GREM1: variants seen among roughly 807,000 people sequenced by gnomAD.
GREM1 encodes the protein gremlin 1, DAN family BMP antagonist.
GREM1 carries 6 observed loss-of-function variants against 13.1 expected under a neutral mutation model. The observed-to-expected ratio is 0.46, with a 90% confidence interval of 0.25 to 0.91. The LOEUF (loss-of-function observed/expected upper bound fraction) is 0.91. GREM1 is among the 40% of genes least tolerant of loss of function. GREM1 has a pLI of 0.18. For missense variants in GREM1, 185 were observed against 233.9 expected (o/e 0.79, Z 1.36); for synonymous variants, 98 against 93.7 (o/e 1.05, Z -0.27).
intron 1 of GREM1, among the ~76,000 whole-genome samples, chr15:32,730,233 C>T (rs920223822): frequency 2.0e-5 from 3 of 152,226 alleles, no homozygotes; most frequent in African/African-American, 7.2e-5. Context: ...CATAAGCATT[C>T]ACAGCTCAGG....
intron 1 of GREM1, among the ~76,000 whole-genome samples, chr15:32,719,531 G>A (rs910756032): frequency 5.1e-5 from 7 of 138,356 alleles, no homozygotes; most frequent in African/African-American, 2.0e-4. Context: ...CAGCGTTAGG[G>A]GTTAAAATCC....
rs546238942 is a variant in GREM1 at position 32,741,739 on chromosome 15, G to A, written c.*10494G>A. The A allele has an allele frequency of 1.3e-5, 2 of 152,258 alleles. No individual in the cohort carries two copies. The highest frequency in any genetic ancestry group is 3.9e-4 in the East Asian group (2 of 5,188). 9.4% of individuals were successfully genotyped at this position (152,258 alleles called of 1,614,324 possible). A position where few individuals can be genotyped will look rare whatever the true frequency, so the allele number is the denominator to read the frequency against. ...AGAAGTGATGAGAGTGGGCATGTAT[G>A]CCTTGTTTCTGGTCTTAAAGAAAAA... On this transcript the variant is annotated 3_prime_UTR_variant, in exon 2 of 2. Transcript: ENST00000651154.
chr15:32,738,125 A>AAAAAAAAAAAAAAAAAAAAAAAC lies in GREM1; in HGVS notation c.*6888_*6889insAAAAAAAAAAAAAACAAAAAAAA. The AAAAAAAAAAAAAAAAAAAAAAAC allele has an allele frequency of 2.1e-4, 6 of 27,966 alleles. 2 individuals carry two copies. Among genetic ancestry groups the AAAAAAAAAAAAAAAAAAAAAAAC allele is most frequent in the South Asian group, 2.5e-3 (1 of 396 alleles). 1.7% of individuals were successfully genotyped at this position (27,966 alleles called of 1,614,324 possible). A position where few individuals can be genotyped will look rare whatever the true frequency, so the allele number is the denominator to read the frequency against. On this transcript the variant is annotated 3_prime_UTR_variant, in exon 2 of 2. Coordinates refer to ENST00000651154, the MANE Select transcript of GREM1 (RefSeq NM_013372.7). ...AAAAAAAAAAAAAAAAAAAAAAAAA[A>AAAAAAAAAAAAAAAAAAAAAAAC]AAAAAAAAGAAAAGAAAAAAGTCAT...
chr15:32,721,973 C>T (rs751880128), intron 1 of GREM1, among the ~76,000 whole-genome samples: 1 of 152,190 alleles, frequency 6.6e-6, no homozygotes, highest in Non-Finnish European at 1.5e-5. Flanking sequence ...ACCAGGTGGT[C>T]TCCTCCCTGT....
At chr15:32,718,222 A>G (rs2055328328) in intron 1 of GREM1, 61 bp downstream of exon 1, 1 of 1,229,192 alleles carries the variant, frequency 8.1e-7, no homozygotes. Context: ...CCGCAAACCA[A>G]CCCAGGACCC....
At chr15:32,719,898 G>A (rs1161062322) in intron 1 of GREM1, among the ~76,000 whole-genome samples, 2 of 152,086 alleles carry the variant, frequency 1.3e-5, no homozygotes, top group Non-Finnish European at 2.9e-5. Context: ...TCTTGAGGGG[G>A]GGATGTACTT....
Position 32,740,403 on chromosome 15 carries a change from T to C in GREM1, c.*9158T>C, listed in dbSNP as rs915665729. The C allele has an allele frequency of 1.3e-5, 2 of 152,046 alleles. No individual in the cohort carries two copies. The highest frequency in any genetic ancestry group is 2.4e-5 in the African/African-American group (1 of 41,394). The allele number at this position is 152,046 out of a possible 1,614,324, so 9.4% of individuals were successfully genotyped here. A position where few individuals can be genotyped will look rare whatever the true frequency, so the allele number is the denominator to read the frequency against. ...AATTTTGACAAAGAGATAGAGTATATTTAAAAGTACCAAAAAGAAATGGAA... is the reference window on the plus strand; with the variant it reads ...AATTTTGACAAAGAGATAGAGTATACTTAAAAGTACCAAAAAGAAATGGAA... On this transcript the variant is annotated 3_prime_UTR_variant, in exon 2 of 2. Transcript: ENST00000651154.
chr15:32,725,585 T>C (rs1047379189), intron 1 of GREM1, among the ~76,000 whole-genome samples: 2 of 152,202 alleles, frequency 1.3e-5, no homozygotes, highest in African/African-American at 4.8e-5. Context: ...ATTCTGTAGG[T>C]TGCCTGTTCA....
intron 1 of GREM1, among the ~76,000 whole-genome samples, chr15:32,726,924 C>T (rs150396020): frequency 0.012 from 1,855 of 152,224 alleles, 14 homozygotes; most frequent in Non-Finnish European, 0.018. Context: ...TGGATACATT[C>T]CTGAACGCAT....
chr15:32,731,357 G>C lies in GREM1; in HGVS notation c.*112G>C, dbSNP rs1038505414. On this transcript the variant is annotated 3_prime_UTR_variant, in exon 2 of 2. Transcript: ENST00000651154. ...AACCTAGAGGCCAGAAGAACCCCCA[G>C]CTGCCTCCTGGCAGGAGCCTGCTTG... The C allele has an allele frequency of 4.4e-5, 35 of 802,032 alleles. No homozygotes were observed. Among genetic ancestry groups the C allele is most frequent in the Middle Eastern group, 2.9e-4 (1 of 3,418 alleles). The allele number at this position is 802,032 out of a possible 1,614,324, so 49.7% of individuals were successfully genotyped here.
intron 1 of GREM1, 86 bp downstream of exon 1, chr15:32,718,247 G>A (rs2055329518): frequency 9.4e-7 from 1 of 1,067,568 alleles, no homozygotes; most frequent in Admixed American, 2.2e-5. Context: ...AGTTCCACGC[G>A]CGGCAGCCCT....
At chr15:32,720,055 G>A (rs900277825) in intron 1 of GREM1, among the ~76,000 whole-genome samples, 2 of 152,086 alleles carry the variant, frequency 1.3e-5, no homozygotes, top group African/African-American at 4.8e-5. Flanking sequence ...GGGATTTTTA[G>A]CAGGGTAGTG....
At position 32,718,124 on chromosome 15, in the gene GREM1, T is replaced by G; in HGVS notation, c.-39T>G. 1 of 1,278,308 alleles carries G rather than the reference T, an allele frequency of 7.8e-7. No individual in the cohort carries two copies. Among genetic ancestry groups the G allele is most frequent in the Non-Finnish European group, 1.0e-6 (1 of 989,894 alleles). The allele number at this position is 1,278,308 out of a possible 1,614,324, so 79.2% of individuals were successfully genotyped here. A position where few individuals can be genotyped will look rare whatever the true frequency, so the allele number is the denominator to read the frequency against. ...CCGCGGCCGCACTCAGCGCCACGCG[T>G]CGAAAGCGCAGGCCCCGAGGACCCG... On this transcript the variant is annotated 5_prime_UTR_variant, in exon 1 of 2. Transcript: ENST00000651154.
At position 32,732,892 on chromosome 15, in the gene GREM1, C is replaced by T; in HGVS notation, c.*1647C>T. ...ATACTCTTTTTGCCTTGTATCTTCT[C>T]AGCCTCCTAGCCAAGTCCTATGTAA... On this transcript the variant is annotated 3_prime_UTR_variant, in exon 2 of 2. Transcript: ENST00000651154. 1 of 220,674 alleles carries T rather than the reference C, an allele frequency of 4.5e-6. No individual in the cohort carries two copies. Among genetic ancestry groups the T allele is most frequent in the East Asian group, 7.5e-5 (1 of 13,382 alleles). 13.7% of individuals were successfully genotyped at this position (220,674 alleles called of 1,614,324 possible).
Position 32,738,083 on chromosome 15 carries a change from C to CAAAAAAAAA in GREM1, c.*6880_*6888dup, listed in dbSNP as rs67118209. The CAAAAAAAAA allele has an allele frequency of 5.3e-5, 1 of 18,910 alleles. No homozygotes were observed. The highest frequency in any genetic ancestry group is 8.6e-5 in the Non-Finnish European group (1 of 11,650). 1.2% of individuals were successfully genotyped at this position (18,910 alleles called of 1,614,324 possible). On this transcript the variant is annotated 3_prime_UTR_variant, in exon 2 of 2. Coordinates refer to ENST00000651154, the MANE Select transcript of GREM1 (RefSeq NM_013372.7). ...GGAGGTTCTACCTAGGGTAATTAGGCAAAAAAAAAAAAAAAAAAAAAAAAA... is the reference window on the plus strand; with the variant it reads ...GGAGGTTCTACCTAGGGTAATTAGGCAAAAAAAAAAAAAAAAAAAAAAAAAAAAAAAAAA...
At chr15:32,719,481 C>A (rs989968666) in intron 1 of GREM1, among the ~76,000 whole-genome samples, 1 of 152,162 alleles carries the variant, frequency 6.6e-6, no homozygotes, top group Non-Finnish European at 1.5e-5. Context: ...CCTCCTCGAC[C>A]GACTCCGAAT....
At position 32,734,253 on chromosome 15, in the gene GREM1, T is replaced by G. The variant is rs1403522740; in HGVS notation, c.*3008T>G. On this transcript the variant is annotated 3_prime_UTR_variant, in exon 2 of 2. Transcript: ENST00000651154. ...GCAATATTAAGAAAGACTTTAAATG[T>G]TATTTTGGAAGACTTACGATGCATG... is the stretch of plus-strand genomic sequence containing the variant. The G allele has an allele frequency of 8.2e-6, 2 of 243,168 alleles. No homozygotes were observed. Among genetic ancestry groups the G allele is most frequent in the Non-Finnish European group, 1.7e-5 (2 of 115,228 alleles). The allele number at this position is 243,168 out of a possible 1,614,324, so 15.1% of individuals were successfully genotyped here. A position where few individuals can be genotyped will look rare whatever the true frequency, so the allele number is the denominator to read the frequency against.
Position 32,733,451 on chromosome 15 carries a change from T to C in GREM1, c.*2206T>C. The C allele has an allele frequency of 4.3e-6, 1 of 230,992 alleles. No homozygotes were observed. The highest frequency in any genetic ancestry group is 9.3e-6 in the Non-Finnish European group (1 of 107,158). 14.3% of individuals were successfully genotyped at this position (230,992 alleles called of 1,614,324 possible). ...CGGAGATGACTTAAGTTGGCAGCAGTAATCTTCTTTTAGGAGCTTGTACCA... is the reference window on the plus strand; with the variant it reads ...CGGAGATGACTTAAGTTGGCAGCAGCAATCTTCTTTTAGGAGCTTGTACCA... On this transcript the variant is annotated 3_prime_UTR_variant, in exon 2 of 2. Transcript: ENST00000651154.
chr15:32,730,619 T>C, intron 1 of GREM1, 71 bp from the exon 2 acceptor site: 2 of 1,021,254 alleles, frequency 2.0e-6, no homozygotes, highest in Non-Finnish European at 2.9e-6. Context: ...TGCTAGGTGC[T>C]ATTATTATTA....
Sources: gnomAD v4.1 joint callset for allele counts (sites outside exome capture counted in the v4.1 genomes callset) on GRCh38, gnomAD v4.1.1 for gene constraint, MANE v1.5 for transcripts, NCBI Gene and HGNC (gene_info 2026-07-23, HGNC 2026-07-21) for gene names.